The following FKBP1A variants were observed in gnomAD, a reference collection of about 807,000 sequenced individuals.
FKBP1A encodes the protein peptidyl-prolyl cis-trans isomerase FKBP1A.
In FKBP1A, 5 loss-of-function variants were observed where a neutral mutation model predicts 14.2. That is an observed-to-expected ratio of 0.35 (90% CI 0.18 to 0.74). The LOEUF (loss-of-function observed/expected upper bound fraction) is 0.74. Among genes scored for constraint, FKBP1A ranks in the 30% least tolerant of loss-of-function variants. The probability of loss-of-function intolerance (pLI) is 0.56; values close to 1 mark genes in which losing one functional copy is unlikely to be tolerated. For synonymous variants in FKBP1A, 42 were observed against 49.1 expected, an observed-to-expected ratio of 0.86 and a Z score of 0.60; for missense variants, 53 against 138.8, an observed-to-expected ratio of 0.38 and a Z score of 3.10.
At chr20:1,371,668 GC>G (rs2089466294) in intron 4 of FKBP1A, 1 of 956,190 alleles carries the variant, frequency 1.0e-6, no homozygotes, top group African/African-American at 1.8e-5. Flanking sequence ...TATCCAAAGG[GC>G]TTTTTTTTTC....
chr20:1,371,204 A>G (rs2089459802), intron 4 of FKBP1A: 15 of 985,414 alleles, frequency 1.5e-5, no homozygotes, highest in Non-Finnish European at 1.7e-5. Context: ...GGAAGCCAGT[A>G]GCATTCATGT....
At position 1,369,875 on chromosome 20, in the gene FKBP1A, T is replaced by A; in HGVS notation, c.*234A>T. On this transcript the variant is annotated 3_prime_UTR_variant, in exon 5 of 5. Coordinates refer to ENST00000400137, the MANE Select transcript of FKBP1A (RefSeq NM_000801.5). ...ACAAAATAAAATGAATAACTTGAGG[T>A]TTATGGCATATAGTTTAGGTAAACA... is the stretch of plus-strand genomic sequence containing the variant. The A allele has an allele frequency of 1.4e-6, 1 of 723,986 alleles. No individual in the cohort carries two copies. The allele number at this position is 723,986 out of a possible 1,614,324, so 44.8% of individuals were successfully genotyped here.
chr20:1,376,756 T>C (rs866592305), intron 2 of FKBP1A: 13 of 152,294 alleles, frequency 8.5e-5, no homozygotes, highest in Admixed American at 2.0e-4. Context: ...AACTACGTTA[T>C]AAATTATAAA....
At position 1,373,864 on chromosome 20, in the gene FKBP1A, G is replaced by A. The variant is rs554911152; in HGVS notation, c.199-1624C>T. On this transcript the variant is annotated intron_variant, in intron 3 of 4. Transcript: ENST00000400137. ...CAGACTAGGGAGACAGAGGCAAAAA[G>A]CTATGGTTGGCAAGGTTTCCCAAGG... is the stretch of plus-strand genomic sequence containing the variant. 1.5e-3 allele frequency among the ~76,000 whole-genome samples: 230 copies of A among 152,284 alleles called. 2 individuals are homozygous for A. The highest frequency in any genetic ancestry group is 5.2e-3 in the African/African-American group (218 of 41,560).
chr20:1,384,753 T>C (rs1304871177), intron 2 of FKBP1A, among the ~76,000 whole-genome samples: 1 of 151,916 alleles, frequency 6.6e-6, no homozygotes, highest in Non-Finnish European at 1.5e-5. Flanking sequence ...GAGAACTCCT[T>C]ATGAGTGAGG....
intron 2 of FKBP1A, among the ~76,000 whole-genome samples, chr20:1,387,457 A>C (rs2089679385): frequency 6.6e-6 from 1 of 152,236 alleles, no homozygotes; most frequent in Admixed American, 6.5e-5. Context: ...TTCAGCCCAC[A>C]GTACAGTCAA....
chr20:1,383,639 C>A (rs2089639516), intron 2 of FKBP1A, among the ~76,000 whole-genome samples: 1 of 137,576 alleles, frequency 7.3e-6, no homozygotes, highest in Admixed American at 7.7e-5. Context: ...CCAGCCTGGG[C>A]AACACAGCAA....
intron 2 of FKBP1A, among the ~76,000 whole-genome samples, chr20:1,381,556 A>C (rs1489475006): frequency 6.6e-6 from 1 of 152,236 alleles, no homozygotes. Flanking sequence ...CATATGACCC[A>C]GCCATTCTGA....
At position 1,392,884 on chromosome 20, in the gene FKBP1A, G is replaced by T; in HGVS notation, c.38-3C>A. 6.5e-7 allele frequency: 1 copy of T among 1,533,552 alleles called. No homozygotes were observed. The allele number at this position is 1,533,552 out of a possible 1,614,324, so 95.0% of individuals were successfully genotyped here. A position where few individuals can be genotyped will look rare whatever the true frequency, so the allele number is the denominator to read the frequency against. ...GCCGCGCTTGGGGAAGGTGCGCCCT[G>T]AGGAGACAGAGACGGGCATGCTGAG... is the stretch of plus-strand genomic sequence containing the variant. On this transcript the variant is annotated splice_region_variant and splice_polypyrimidine_tract_variant and intron_variant, in intron 1 of 4. Coordinates refer to ENST00000400137, the MANE Select transcript of FKBP1A (RefSeq NM_000801.5).
rs1269194008 is a variant in FKBP1A at position 1,386,541 on chromosome 20, A to C, written c.85+6293T>G. Among the ~76,000 whole-genome samples, 1 of 152,242 alleles carries C rather than the reference A, an allele frequency of 6.6e-6. No individual in the cohort carries two copies. The highest frequency in any genetic ancestry group is 1.5e-5 in the Non-Finnish European group (1 of 68,046). On this transcript the variant is annotated intron_variant, in intron 2 of 4. Coordinates refer to ENST00000400137, the MANE Select transcript of FKBP1A (RefSeq NM_000801.5). The surrounding 1 kb of genome is among the most constrained non-coding windows in gnomAD (Gnocchi z 4.7). ...CGGATCCTGACTATGATGGGGGCTAAGAAAATAGATGGGTGCATTGTTGCA... is the reference window on the plus strand; with the variant it reads ...CGGATCCTGACTATGATGGGGGCTACGAAAATAGATGGGTGCATTGTTGCA...
intron 4 of FKBP1A, chr20:1,370,383 A>G (rs2089447811): frequency 1.0e-6 from 1 of 985,100 alleles, no homozygotes; most frequent in African/African-American, 1.7e-5. Flanking sequence ...ATTGGGTCTC[A>G]AACTGTGCTA....
intron 2 of FKBP1A, among the ~76,000 whole-genome samples, chr20:1,381,718 T>C (rs935137283): frequency 6.6e-6 from 1 of 152,168 alleles, no homozygotes; most frequent in Non-Finnish European, 1.5e-5. Context: ...TGTTTCTATA[T>C]ATAGAAAAAT....
At chr20:1,378,173 G>A (rs2089573807) in intron 2 of FKBP1A, 2 of 152,238 alleles carry the variant, frequency 1.3e-5, no homozygotes, top group South Asian at 4.1e-4. Context: ...GTTGAATGCT[G>A]TGTGAGGATA....
rs1600338522 is a variant in FKBP1A, at chr20:1,386,443, A to G, written c.85+6391T>C. On this transcript the variant is annotated intron_variant, in intron 2 of 4. Transcript: ENST00000400137. This position sits in a 1 kb window ranked among gnomAD's most constrained non-coding sequence, Gnocchi z 4.7. ...GCCAAGACTGATGGGGAGACCTTGG[A>G]GAACAACACTAGTGTGGGTCTGGCC... Among the ~76,000 whole-genome samples, 1 of 152,234 alleles carries G rather than the reference A, an allele frequency of 6.6e-6. No individual in the cohort carries two copies. The highest frequency in any genetic ancestry group is 1.5e-5 in the Non-Finnish European group (1 of 68,036).
Position 1,376,191 on chromosome 20 carries a change from T to C in FKBP1A, c.86-588A>G, listed in dbSNP as rs373259382. Among the ~76,000 whole-genome samples the C allele has an allele frequency of 2.6e-4, 40 of 152,280 alleles. No homozygotes were observed. In the South Asian group the frequency reaches 7.0e-3, roughly 27 times the overall value. ...GGCTGTGGGTCAGCACTATGGGATG[T>C]GGTAAGAGGAAGCTATAAGGCAAGC... On this transcript the variant is annotated intron_variant, in intron 2 of 4. Transcript: ENST00000400137.
chr20:1,371,527 G>GC (rs1169043153), intron 4 of FKBP1A, among the ~76,000 whole-genome samples: 10 of 152,280 alleles, frequency 6.6e-5, no homozygotes, highest in African/African-American at 2.4e-4. Flanking sequence ...TGGCCTGGGG[G>GC]CCTCAAGTGT....
Position 1,386,731 on chromosome 20 carries a change from G to C in FKBP1A, c.85+6103C>G, listed in dbSNP as rs6041909. Among the ~76,000 whole-genome samples the C allele has an allele frequency of 0.21, 31,255 of 152,122 alleles. 3,344 individuals are homozygous for C. Among genetic ancestry groups the C allele is most frequent in the Middle Eastern group, 0.24 (72 of 294 alleles). ...TTGGAGCATTCGAGGAATGAATGCA[G>C]GCCAAGGTGGCTTGAGCTCCTGGGA... On this transcript the variant is annotated intron_variant, in intron 2 of 4. Transcript: ENST00000400137. This position sits in a 1 kb window ranked among gnomAD's most constrained non-coding sequence, Gnocchi z 4.7.
At chr20:1,392,436 T>C (rs1452580221) in intron 2 of FKBP1A, among the ~76,000 whole-genome samples, 1 of 152,092 alleles carries the variant, frequency 6.6e-6, no homozygotes, top group Non-Finnish European at 1.5e-5. Context: ...ATGGTACAAA[T>C]CCTTCCTAAT....
chr20:1,391,107 C>T (rs2089730625), intron 2 of FKBP1A, among the ~76,000 whole-genome samples: 1 of 152,122 alleles, frequency 6.6e-6, no homozygotes, highest in Non-Finnish European at 1.5e-5. Context: ...GTTGGCAGCA[C>T]CAGAACATGG....
Sources: gnomAD v4.1 joint callset for allele counts (sites outside exome capture counted in the v4.1 genomes callset) on GRCh38, gnomAD v4.1.1 for gene constraint, Gnocchi (gnomAD v3.1) non-coding constraint, MANE v1.5 for transcripts, NCBI Gene and HGNC (gene_info 2026-07-23, HGNC 2026-07-21) for gene names.